The following TPRX2 variants were observed in gnomAD, a reference collection of about 807,000 sequenced individuals.
The protein encoded by TPRX2 is tetrapeptide repeat homeobox 2.
At chr19:47,860,796 C>T in the TPRX2 span, 4 of 1,541,950 alleles carry the variant, frequency 2.6e-6, no homozygotes, top group Non-Finnish European at 2.6e-6. Context: ...CCCCTCTGCC[C>T]CCCAGGTGTG....
chr19:47,859,866 C>G, the TPRX2 span, among the ~76,000 whole-genome samples: 1 of 150,852 alleles, frequency 6.6e-6, no homozygotes, highest in South Asian at 2.1e-4. Context: ...CTGAGGCAGC[C>G]CCGTCTGCTC....
the TPRX2 span, chr19:47,860,407 G>A: frequency 1.4e-6 from 1 of 695,982 alleles, no homozygotes; most frequent in Non-Finnish European, 2.5e-6. Flanking sequence ...TCCCGCCAGT[G>A]TAGACCCGGG....
chr19:47,861,103 C>T, the TPRX2 span: 1 of 709,370 alleles, frequency 1.4e-6, no homozygotes, highest in Non-Finnish European at 2.6e-6. Context: ...GCTCCAGGCC[C>T]TGGCCCAATC....
the TPRX2 span, among the ~76,000 whole-genome samples, chr19:47,860,501 C>T: frequency 5.4e-3 from 816 of 151,700 alleles, 9 homozygotes; most frequent in African/African-American, 0.019. Flanking sequence ...CGGGGTCTCC[C>T]GGTGCCCGGA....
the TPRX2 span, among the ~76,000 whole-genome samples, chr19:47,860,580 G>T: frequency 4.6e-5 from 7 of 151,270 alleles, no homozygotes; most frequent in Non-Finnish European, 8.9e-5. Flanking sequence ...GCACCTGGGC[G>T]GCAGACCCGG....
chr19:47,861,234 T>G, the TPRX2 span: 2 of 560,968 alleles, frequency 3.6e-6, no homozygotes, highest in Non-Finnish European at 6.8e-6. Flanking sequence ...AGCCCCCATC[T>G]CTTGCCCAGG....
the TPRX2 span, chr19:47,860,412 C>A: frequency 1.4e-6 from 1 of 695,678 alleles, no homozygotes. Context: ...CCAGTGTAGA[C>A]CCGGGCTGCA....
chr19:47,861,514 G>C, the TPRX2 span: 1 of 1,324,150 alleles, frequency 7.6e-7, no homozygotes, highest in African/African-American at 1.5e-5. Flanking sequence ...GATTTATAGG[G>C]GGCCTGTGCC....
the TPRX2 span, chr19:47,860,692 G>T: frequency 2.9e-5 from 38 of 1,301,872 alleles, no homozygotes; most frequent in African/African-American, 5.0e-4. Flanking sequence ...TGGGTGCGGG[G>T]TGGGGGTGAA....
the TPRX2 span, among the ~76,000 whole-genome samples, chr19:47,859,781 C>T: frequency 2.1e-5 from 3 of 145,054 alleles, no homozygotes; most frequent in Non-Finnish European, 3.1e-5. Context: ...CAGGTGGCGG[C>T]TCCCCTGCAA....
At chr19:47,861,236 T>G in the TPRX2 span, 5 of 551,570 alleles carry the variant, frequency 9.1e-6, no homozygotes, top group Non-Finnish European at 1.0e-5. Flanking sequence ...CCCCCATCTC[T>G]TGCCCAGGCC....
chr19:47,860,563 C>T, the TPRX2 span, among the ~76,000 whole-genome samples: 2 of 151,918 alleles, frequency 1.3e-5, no homozygotes, highest in African/African-American at 4.8e-5. Flanking sequence ...CCTCCCTGGC[C>T]CCCCGGGCAC....
the TPRX2 span, among the ~76,000 whole-genome samples, chr19:47,860,567 C>T: frequency 6.6e-6 from 1 of 151,754 alleles, no homozygotes; most frequent in African/African-American, 2.4e-5. Context: ...CCTGGCCCCC[C>T]GGGCACCTGG....
chr19:47,860,778 C>T, the TPRX2 span: 2 of 1,533,778 alleles, frequency 1.3e-6, no homozygotes, highest in South Asian at 1.2e-5. Flanking sequence ...TTCACACCTT[C>T]TCCCTGTCCC....
At chr19:47,859,869 G>C in the TPRX2 span, among the ~76,000 whole-genome samples, 1 of 150,742 alleles carries the variant, frequency 6.6e-6, no homozygotes, top group Non-Finnish European at 1.5e-5. Context: ...AGGCAGCCCC[G>C]TCTGCTCCGA....
the TPRX2 span, chr19:47,860,998 G>C: frequency 1.1e-5 from 13 of 1,135,358 alleles, no homozygotes; most frequent in South Asian, 1.7e-4. Context: ...GGCCCCTGGG[G>C]AGTCCTCCCA....
chr19:47,859,998 G>C, the TPRX2 span: 3 of 742,006 alleles, frequency 4.0e-6, no homozygotes, highest in South Asian at 5.1e-5. Context: ...TGCTATCCGC[G>C]GTGCCGCCCC....
the TPRX2 span, among the ~76,000 whole-genome samples, chr19:47,859,539 A>T: frequency 6.1e-5 from 9 of 147,710 alleles, no homozygotes; most frequent in African/African-American, 2.3e-4. Flanking sequence ...CATAGTGGAG[A>T]CCCGTCTTTA....
the TPRX2 span, chr19:47,860,788 C>T: frequency 5.2e-6 from 8 of 1,538,730 alleles, no homozygotes; most frequent in Non-Finnish European, 7.0e-6. Context: ...CTCCCTGTCC[C>T]CTCTGCCCCC....
Sources: allele counts gnomAD v4.1 joint callset (sites outside exome capture counted in the v4.1 genomes callset), GRCh38; gene constraint gnomAD v4.1.1; transcripts MANE v1.5; gene names NCBI Gene and HGNC (gene_info 2026-07-23, HGNC 2026-07-21).